Variants in CLEC12A observed in about 807,000 individuals in gnomAD.
CLEC12A encodes C-type lectin domain family 12 member A.
Under a neutral mutation model 26.5 loss-of-function variants are expected in CLEC12A, and 22 were observed. The ratio of observed to expected loss-of-function variants is 0.83; its 90% CI spans 0.59 to 1.19. CLEC12A has a LOEUF of 1.19. Among genes scored for constraint, CLEC12A ranks in the 50% most tolerant of loss-of-function variants. The probability of loss-of-function intolerance (pLI) is 0.00; values close to 1 mark genes in which losing one functional copy is unlikely to be tolerated. For synonymous variants in CLEC12A, 119 were observed against 101.9 expected, an observed-to-expected ratio of 1.17 and a Z score of -1.01; for missense variants, 353 against 315.6, an observed-to-expected ratio of 1.12 and a Z score of -0.90.
At chr12:10,000,778 C>T in the CLEC12A span, among the ~76,000 whole-genome samples, 1 of 152,160 alleles carries the variant, frequency 6.6e-6, no homozygotes, top group African/African-American at 2.4e-5. Context: ...GGGGTTTGAT[C>T]CTCCCTCTCT....
At chr12:9,968,533 A>T (rs1453372874), upstream of CLEC12A, among the ~76,000 whole-genome samples, 2 of 152,144 alleles carry the variant, frequency 1.3e-5, no homozygotes, top group African/African-American at 4.8e-5. Context: ...ATTTCAGAAG[A>T]TAATGTCATC....
At chr12:9,974,230 C>A (rs76366833) in intron 1 of CLEC12A, among the ~76,000 whole-genome samples, 3,960 of 152,280 alleles carry the variant, frequency 0.026, 63 homozygotes, top group Non-Finnish European at 0.03. Flanking sequence ...CCTGACACAT[C>A]CTCATGGCTT....
Position 9,985,029 on chromosome 12 carries a change from C to A in CLEC12A, c.*3C>A. 2 of 1,506,566 alleles carry A rather than the reference C, an allele frequency of 1.3e-6. No homozygotes were observed. The highest frequency in any genetic ancestry group is 2.0e-4 in the Middle Eastern group (1 of 4,912). The allele number at this position is 1,506,566 out of a possible 1,614,324, so 93.3% of individuals were successfully genotyped here. A position where few individuals can be genotyped will look rare whatever the true frequency, so the allele number is the denominator to read the frequency against. ...CTACATATTTTAGGGAGGCATGAGG[C>A]ATCAATCAAATACATTTAAGGAGTG... On this transcript the variant is annotated 3_prime_UTR_variant, in exon 6 of 6. Coordinates refer to ENST00000304361, the MANE Select transcript of CLEC12A (RefSeq NM_138337.6).
chr12:9,987,281 TA>T (rs1864788515), downstream of CLEC12A, among the ~76,000 whole-genome samples: 1 of 152,230 alleles, frequency 6.6e-6, no homozygotes, highest in African/African-American at 2.4e-5. Context: ...AAATCATTTT[TA>T]TTTTTTTATG....
chr12:9,987,107 G>C (rs894154748), downstream of CLEC12A, among the ~76,000 whole-genome samples: 1 of 152,148 alleles, frequency 6.6e-6, no homozygotes, highest in Admixed American at 6.5e-5. Context: ...TGTTGACCCT[G>C]CTTTAACCAG....
Position 9,985,061 on chromosome 12 carries a change from G to T in CLEC12A, c.*35G>T. The T allele has an allele frequency of 7.1e-7, 1 of 1,406,428 alleles. No homozygotes were observed. Among genetic ancestry groups the T allele is most frequent in the Non-Finnish European group, 9.2e-7 (1 of 1,081,208 alleles). The allele number at this position is 1,406,428 out of a possible 1,614,324, so 87.1% of individuals were successfully genotyped here. A position where few individuals can be genotyped will look rare whatever the true frequency, so the allele number is the denominator to read the frequency against. On this transcript the variant is annotated 3_prime_UTR_variant, in exon 6 of 6. Coordinates refer to ENST00000304361, the MANE Select transcript of CLEC12A (RefSeq NM_138337.6). ...CAAATACATTTAAGGAGTGTAGGGG[G>T]TGGGGGTTCTAGGCTATAGGTAAAT... is the stretch of plus-strand genomic sequence containing the variant.
At chr12:9,971,318 A>T, upstream of CLEC12A, 1 of 799,426 alleles carries the variant, frequency 1.3e-6, no homozygotes, top group Non-Finnish European at 1.6e-6. Context: ...GTAAATATAT[A>T]GAAATTGAGA....
Position 9,971,440 on chromosome 12 carries a change from C to T in CLEC12A, c.-157C>T. The T allele has an allele frequency of 7.4e-7, 1 of 1,352,558 alleles. No homozygotes were observed. The highest frequency in any genetic ancestry group is 9.5e-7 in the Non-Finnish European group (1 of 1,053,734). 83.8% of individuals were successfully genotyped at this position (1,352,558 alleles called of 1,614,324 possible). ...TTTGCAGACATATGGGTGATTGGTACAGTAGGTTTATAAACAGAAGTTTAA... is the reference window on the plus strand; with the variant it reads ...TTTGCAGACATATGGGTGATTGGTATAGTAGGTTTATAAACAGAAGTTTAA... On this transcript the variant is annotated 5_prime_UTR_variant, in exon 1 of 6. Coordinates refer to ENST00000304361, the MANE Select transcript of CLEC12A (RefSeq NM_138337.6).
At chr12:10,000,499 T>A (rs946515885), downstream of CLEC12A, among the ~76,000 whole-genome samples, 1 of 151,418 alleles carries the variant, frequency 6.6e-6, no homozygotes, top group African/African-American at 2.4e-5. Flanking sequence ...AATTCTTAAT[T>A]AAAAAAAAAC....
intron 4 of CLEC12A, among the ~76,000 whole-genome samples, chr12:9,993,527 T>C (rs1210585776): frequency 6.6e-6 from 1 of 151,974 alleles, no homozygotes; most frequent in Non-Finnish European, 1.5e-5. Context: ...AAGGGAACAG[T>C]AGGTACAATA....
At chr12:9,953,147 C>A (rs1186206905) in intron 1 of CLEC12A, 1 of 130,266 alleles carries the variant, frequency 7.7e-6, no homozygotes, top group Non-Finnish European at 1.6e-5. Context: ...GGGTCAGCCC[C>A]CCGCCTGGCC....
At chr12:10,003,032 A>T in the CLEC12A span, among the ~76,000 whole-genome samples, 1 of 152,220 alleles carries the variant, frequency 6.6e-6, no homozygotes, top group South Asian at 2.1e-4. Flanking sequence ...CAAGATGTTG[A>T]CCACTGTGGG....
chr12:9,997,700 G>T (rs1285692443), downstream of CLEC12A, among the ~76,000 whole-genome samples: 1 of 151,966 alleles, frequency 6.6e-6, no homozygotes. Flanking sequence ...TGATATTCAG[G>T]TAAATAATAA....
intron 1 of CLEC12A, among the ~76,000 whole-genome samples, chr12:9,963,311 A>T (rs926596150): frequency 7.0e-6 from 1 of 142,798 alleles, no homozygotes; most frequent in Admixed American, 7.1e-5. Context: ...GGTAGAAACA[A>T]CACTCTTCAT....
At chr12:9,989,898 T>C (rs1051575034), downstream of CLEC12A, among the ~76,000 whole-genome samples, 4 of 152,174 alleles carry the variant, frequency 2.6e-5, no homozygotes, top group Non-Finnish European at 5.9e-5. Flanking sequence ...ATTTCAAACG[T>C]CCTAGGGACC....
chr12:9,958,001 G>C (rs1863770538), intron 1 of CLEC12A, among the ~76,000 whole-genome samples: 1 of 152,218 alleles, frequency 6.6e-6, no homozygotes, highest in Admixed American at 6.5e-5. Flanking sequence ...TAGCCTCAAG[G>C]CTGCTCATGA....
chr12:9,968,692 T>TAA, upstream of CLEC12A, among the ~76,000 whole-genome samples: 1 of 152,242 alleles, frequency 6.6e-6, no homozygotes, highest in Admixed American at 6.5e-5. Context: ...GGCCTGACAA[T>TAA]AACAACCCAC....
chr12:10,004,878 T>A, the CLEC12A span, among the ~76,000 whole-genome samples: 2 of 152,020 alleles, frequency 1.3e-5, no homozygotes, highest in Admixed American at 1.3e-4. Context: ...AACTTGTCAT[T>A]TACATTAGGT....
chr12:9,995,487 TG>T, exon 5 of CLEC12A: 1 of 437,624 alleles, frequency 2.3e-6, no homozygotes, highest in South Asian at 2.0e-5. Flanking sequence ...TCTTCTTTTG[TG>T]TTTATAACAT....
Sources: allele counts gnomAD v4.1 joint callset (sites outside exome capture counted in the v4.1 genomes callset), GRCh38; gene constraint gnomAD v4.1.1; transcripts MANE v1.5; gene names NCBI Gene and HGNC (gene_info 2026-07-23, HGNC 2026-07-21).